The following ARK2C variants were observed in gnomAD, a reference collection of about 807,000 sequenced individuals.
ARK2C encodes arkadia (RNF111) C-terminal like ring finger ubiquitin ligase 2C, also known as E3 ubiquitin-protein ligase ARK2C.
chr18:46,362,947 G>A, the ARK2C span, among the ~76,000 whole-genome samples: 892 of 152,276 alleles, frequency 5.9e-3, 7 homozygotes, highest in African/African-American at 0.02. Flanking sequence ...GACAGACCCC[G>A]GGGCTCTTGT....
At chr18:46,420,275 G>A in the ARK2C span, among the ~76,000 whole-genome samples, 7 of 152,290 alleles carry the variant, frequency 4.6e-5, no homozygotes, top group East Asian at 9.7e-4. Flanking sequence ...GGATGGCTTC[G>A]GGAGCCAGGC....
chr18:46,398,657 G>A, the ARK2C span, among the ~76,000 whole-genome samples: 1 of 152,058 alleles, frequency 6.6e-6, no homozygotes, highest in Admixed American at 6.5e-5. Flanking sequence ...AATTGCAGGG[G>A]TCCACGCTGC....
At chr18:46,400,137 G>C in the ARK2C span, among the ~76,000 whole-genome samples, 1 of 152,156 alleles carries the variant, frequency 6.6e-6, no homozygotes, top group Non-Finnish European at 1.5e-5. Flanking sequence ...TGCTCCTCCA[G>C]CTCCAGCTCT....
chr18:46,451,601 C>A, the ARK2C span, among the ~76,000 whole-genome samples: 1 of 152,088 alleles, frequency 6.6e-6, no homozygotes, highest in Admixed American at 6.5e-5. Context: ...TCAAGACCAA[C>A]CTGAGCAAAA....
At chr18:46,377,198 C>T in the ARK2C span, among the ~76,000 whole-genome samples, 2 of 152,090 alleles carry the variant, frequency 1.3e-5, no homozygotes, top group African/African-American at 4.8e-5. Context: ...ATATAATGTA[C>T]CCCTTTTAAA....
the ARK2C span, among the ~76,000 whole-genome samples, chr18:46,389,540 T>C: frequency 2.0e-5 from 3 of 152,186 alleles, no homozygotes; most frequent in South Asian, 2.1e-4. Context: ...CACCCCGGTC[T>C]AGAGTTTGCT....
the ARK2C span, among the ~76,000 whole-genome samples, chr18:46,396,528 CA>C: frequency 1.8e-3 from 272 of 152,344 alleles, 1 homozygote; most frequent in African/African-American, 6.3e-3. Context: ...GCCTGGCACA[CA>C]GTAGCTTTTC....
At chr18:46,357,816 G>C in the ARK2C span, among the ~76,000 whole-genome samples, 1 of 152,200 alleles carries the variant, frequency 6.6e-6, no homozygotes, top group Non-Finnish European at 1.5e-5. Context: ...CAGTGCTGGA[G>C]GCTAGAAGGC....
chr18:46,419,792 C>T, the ARK2C span, among the ~76,000 whole-genome samples: 1 of 152,254 alleles, frequency 6.6e-6, no homozygotes, highest in South Asian at 2.1e-4. Context: ...GATCTGGCAG[C>T]TCCAAGAAGC....
At chr18:46,437,152 G>GGGGATGCTAGGAGGCCCTGCCCTAGCAA in the ARK2C span, among the ~76,000 whole-genome samples, 1 of 152,112 alleles carries the variant, frequency 6.6e-6, no homozygotes, top group Non-Finnish European at 1.5e-5. Flanking sequence ...TGCCCTAGCA[G>GGGGATGCTAGGAGGCCCTGCCCTAGCAA]GGGATGCTAG....
the ARK2C span, among the ~76,000 whole-genome samples, chr18:46,409,329 T>C: frequency 1.3e-5 from 2 of 152,114 alleles, no homozygotes; most frequent in African/African-American, 4.8e-5. Context: ...TCCGGTGAGA[T>C]TGACGTGATC....
chr18:46,390,809 C>T, the ARK2C span, among the ~76,000 whole-genome samples: 1 of 152,074 alleles, frequency 6.6e-6, no homozygotes, highest in East Asian at 1.9e-4. Context: ...CTTGGTGCTT[C>T]ATTCTCTTGT....
chr18:46,335,359 CTTGA>C, the ARK2C span: 1 of 152,292 alleles, frequency 6.6e-6, no homozygotes, highest in East Asian at 1.9e-4. Flanking sequence ...ACAACAATAG[CTTGA>C]TTTTCCCCTC....
the ARK2C span, chr18:46,433,536 C>G: frequency 1.3e-6 from 2 of 1,558,890 alleles, no homozygotes; most frequent in Non-Finnish European, 1.7e-6. Flanking sequence ...AGGTGGGGAC[C>G]CGGATGGGGT....
At chr18:46,458,197 C>T in the ARK2C span, 1 of 152,560 alleles carries the variant, frequency 6.6e-6, no homozygotes, top group Non-Finnish European at 1.5e-5. Context: ...AGACACAGAC[C>T]TGATACAGTA....
At chr18:46,423,863 T>C in the ARK2C span, among the ~76,000 whole-genome samples, 4 of 152,220 alleles carry the variant, frequency 2.6e-5, no homozygotes, top group African/African-American at 9.6e-5. Context: ...TTACCTGTTC[T>C]AAAATAAAGA....
the ARK2C span, among the ~76,000 whole-genome samples, chr18:46,394,456 G>A: frequency 2.6e-5 from 4 of 152,110 alleles, no homozygotes; most frequent in Non-Finnish European, 5.9e-5. Context: ...GATGCCTAAG[G>A]CATCTCTGGG....
At chr18:46,452,920 T>C in the ARK2C span, among the ~76,000 whole-genome samples, 1 of 152,110 alleles carries the variant, frequency 6.6e-6, no homozygotes, top group Non-Finnish European at 1.5e-5. Flanking sequence ...TTTTAAAATG[T>C]GAAATGGGAA....
At chr18:46,417,329 T>C in the ARK2C span, among the ~76,000 whole-genome samples, 2 of 152,006 alleles carry the variant, frequency 1.3e-5, no homozygotes, top group East Asian at 3.9e-4. Flanking sequence ...AAAGGCAACA[T>C]CCTGTAATGA....
Sources: gnomAD v4.1 joint callset for allele counts (sites outside exome capture counted in the v4.1 genomes callset) on GRCh38, gnomAD v4.1.1 for gene constraint, MANE v1.5 for transcripts, NCBI Gene and HGNC (gene_info 2026-07-23, HGNC 2026-07-21) for gene names.